Variants in LRMDA observed in about 807,000 individuals in gnomAD.
The protein encoded by LRMDA is leucine-rich melanocyte differentiation-associated protein.
In LRMDA, 18 loss-of-function variants were observed where a neutral mutation model predicts 29.8. The observed-to-expected ratio is 0.60, with a 90% confidence interval of 0.42 to 0.90. The LOEUF (loss-of-function observed/expected upper bound fraction) is 0.90. Ranked by LOEUF, LRMDA falls within the 40% of genes least tolerant of loss-of-function variation. LRMDA has a pLI of 0.00. For missense variants in LRMDA, 273 were observed against 273.9 expected (o/e 1.00, Z 0.02); for synonymous variants, 125 against 109.4 (o/e 1.14, Z -0.89).
At chr10:76,270,811 C>A (rs1441672665) in intron 5 of LRMDA, 2 of 152,150 alleles carry the variant, frequency 1.3e-5, no homozygotes, top group African/African-American at 4.8e-5. Context: ...TTAATTAAAT[C>A]AATGCCGTGC....
intron 5 of LRMDA, among the ~76,000 whole-genome samples, chr10:76,242,684 A>G (rs917577400): frequency 6.6e-6 from 1 of 152,196 alleles, no homozygotes; most frequent in Non-Finnish European, 1.5e-5. Context: ...ATCTTAACTC[A>G]TTACATCTGC....
chr10:76,082,779 T>C (rs1035644816), intron 5 of LRMDA, among the ~76,000 whole-genome samples: 3 of 152,186 alleles, frequency 2.0e-5, no homozygotes, highest in East Asian at 1.9e-4. Context: ...GCTGGCTTCA[T>C]TGAGCTGAAT....
At chr10:75,864,197 T>G (rs1175090228) in intron 2 of LRMDA, among the ~76,000 whole-genome samples, 1 of 152,254 alleles carries the variant, frequency 6.6e-6, no homozygotes, top group Admixed American at 6.5e-5. Flanking sequence ...TTTTGAATAC[T>G]CTAAAACTCT....
rs552223199 is a variant in LRMDA at position 75,543,520 on chromosome 10, C to T, written c.131+105026C>T. On this transcript the variant is annotated intron_variant, in intron 2 of 6. Coordinates refer to ENST00000611255, the MANE Select transcript of LRMDA (RefSeq NM_001305581.2). ...TCCCATTTCTGAACAAAACCCTCGT[C>T]CTATTTTTAAATTCCTCTGTGTACC... Among the ~76,000 whole-genome samples the T allele has an allele frequency of 1.1e-3, 168 of 152,196 alleles. No individual in the cohort carries two copies. In the Middle Eastern group the frequency reaches 0.014, roughly 12 times the overall value.
chr10:76,188,877 A>G (rs890121976), intron 5 of LRMDA, among the ~76,000 whole-genome samples: 1 of 151,802 alleles, frequency 6.6e-6, no homozygotes, highest in Non-Finnish European at 1.5e-5. Flanking sequence ...TCAGTTCTTC[A>G]TACCCTTTGT....
chr10:76,189,192 T>C (rs932238827), intron 5 of LRMDA, among the ~76,000 whole-genome samples: 3 of 152,176 alleles, frequency 2.0e-5, no homozygotes, highest in Middle Eastern at 3.4e-3. Flanking sequence ...ACCCCATCTC[T>C]ACTAAAAATA....
chr10:75,740,597 G>C (rs1000013154), intron 2 of LRMDA, among the ~76,000 whole-genome samples: 3 of 152,180 alleles, frequency 2.0e-5, no homozygotes, highest in Non-Finnish European at 4.4e-5. Context: ...ATTGGCATGA[G>C]CACTCAGGCC....
At position 75,950,397 on chromosome 10, in the gene LRMDA, G is replaced by A. The variant is rs1190015084; in HGVS notation, c.132-85611G>A. 7.9e-5 allele frequency among the ~76,000 whole-genome samples: 12 copies of A among 152,292 alleles called. No homozygotes were observed. The South Asian group carries it at 1.0e-3, about 13-fold the overall frequency. On this transcript the variant is annotated intron_variant, in intron 2 of 6. Coordinates refer to ENST00000611255, the MANE Select transcript of LRMDA (RefSeq NM_001305581.2). Reference sequence around the variant, plus strand: ...CTTCTAAGACCCTGAGCTGACCAGAGAGCTCTGACAGCAGTTTGCTGTGTC... The same window carrying A: ...CTTCTAAGACCCTGAGCTGACCAGAAAGCTCTGACAGCAGTTTGCTGTGTC...
chr10:76,416,840 T>C (rs1387127091), intron 6 of LRMDA, among the ~76,000 whole-genome samples: 1 of 152,216 alleles, frequency 6.6e-6, no homozygotes, highest in East Asian at 1.9e-4. Context: ...ATTAAGGAAA[T>C]GTGCGTGTGC....
intron 5 of LRMDA, among the ~76,000 whole-genome samples, chr10:76,072,425 G>C (rs1229307897): frequency 6.6e-6 from 1 of 152,054 alleles, no homozygotes. Context: ...ACCAGTGCTT[G>C]GCACATAGTA....
chr10:76,298,468 G>A (rs1840440109), intron 5 of LRMDA, among the ~76,000 whole-genome samples: 1 of 152,194 alleles, frequency 6.6e-6, no homozygotes, highest in Non-Finnish European at 1.5e-5. Flanking sequence ...AGGGCCTTCT[G>A]TGTCAGGCCT....
intron 6 of LRMDA, among the ~76,000 whole-genome samples, chr10:76,503,999 T>C (rs1484294459): frequency 6.6e-6 from 1 of 151,836 alleles, no homozygotes; most frequent in Non-Finnish European, 1.5e-5. Flanking sequence ...CTGTTTTAGC[T>C]GCATCCCAAA....
chr10:76,360,613 C>T (rs567378325), intron 6 of LRMDA, among the ~76,000 whole-genome samples: 1 of 152,154 alleles, frequency 6.6e-6, no homozygotes, highest in Admixed American at 6.5e-5. Context: ...TTCTAACCAA[C>T]TTGTTTAATC....
At chr10:76,087,086 T>A (rs1346011422) in intron 5 of LRMDA, among the ~76,000 whole-genome samples, 2 of 152,152 alleles carry the variant, frequency 1.3e-5, no homozygotes, top group African/African-American at 4.8e-5. Context: ...AGACAGGCCC[T>A]GTAAATCATC....
At chr10:75,507,823 A>G (rs1261535492) in intron 2 of LRMDA, among the ~76,000 whole-genome samples, 1 of 152,210 alleles carries the variant, frequency 6.6e-6, no homozygotes, top group Non-Finnish European at 1.5e-5. Flanking sequence ...AAATGCCACC[A>G]TTTGTCCTTA....
chr10:75,568,803 G>T (rs1344869191), intron 2 of LRMDA, among the ~76,000 whole-genome samples: 1 of 152,262 alleles, frequency 6.6e-6, no homozygotes, highest in South Asian at 2.1e-4. Flanking sequence ...CTTTCAATTG[G>T]CCTGGAAGCA....
intron 6 of LRMDA, among the ~76,000 whole-genome samples, chr10:76,538,573 C>T (rs1843318350): frequency 7.0e-6 from 1 of 143,672 alleles, no homozygotes; most frequent in African/African-American, 2.6e-5. Flanking sequence ...CACACACACA[C>T]ATATACAGTA....
intron 2 of LRMDA, among the ~76,000 whole-genome samples, chr10:75,597,089 G>A (rs191511868): frequency 6.6e-6 from 1 of 151,726 alleles, no homozygotes; most frequent in Non-Finnish European, 1.5e-5. Flanking sequence ...TGGCTAGAGA[G>A]TTTTTGTTTG....
chr10:75,637,298 A>G (rs1407604150), intron 2 of LRMDA, among the ~76,000 whole-genome samples: 2 of 152,196 alleles, frequency 1.3e-5, no homozygotes, highest in African/African-American at 4.8e-5. Context: ...TACTGTGAAT[A>G]TTACCTGTGG....
Sources: allele counts gnomAD v4.1 joint callset (sites outside exome capture counted in the v4.1 genomes callset), GRCh38; gene constraint gnomAD v4.1.1; transcripts MANE v1.5; gene names NCBI Gene and HGNC (gene_info 2026-07-23, HGNC 2026-07-21).